Variants in FBXL17 observed in about 807,000 individuals in gnomAD.
FBXL17 encodes the protein F-box/LRR-repeat protein 17.
In FBXL17, 22 loss-of-function variants were observed where a neutral mutation model predicts 66.2. The observed-to-expected ratio is 0.33, with a 90% CI of 0.24 to 0.47. FBXL17 has a LOEUF of 0.47. FBXL17 is among the 20% of genes least tolerant of loss of function. FBXL17 has a pLI of 1.00. For synonymous variants in FBXL17, 474 were observed against 400.5 expected (o/e 1.18, Z -2.19); for missense variants, 878 against 948.2 (o/e 0.93, Z 0.97).
rs758940860 is a variant in FBXL17, at chr5:108,372,056, G to T, written c.994-4103C>A. On this transcript the variant is annotated intron_variant, in intron 1 of 8. Coordinates refer to ENST00000542267, the MANE Select transcript of FBXL17 (RefSeq NM_001163315.3). ...CCCCTTCTGTATGGCAGTCTACCTC[G>T]CTGTAAGCCTCTGCACAGCTTCATG... Among the ~76,000 whole-genome samples, 4 of 152,098 alleles carry T rather than the reference G, an allele frequency of 2.6e-5. No homozygotes were observed. In the East Asian group the frequency reaches 7.7e-4, roughly 29 times the overall value.
At chr5:107,879,189 T>TTA in intron 8 of FBXL17, 2 of 985,426 alleles carry the variant, frequency 2.0e-6, no homozygotes, top group East Asian at 2.3e-4. Context: ...CATCTAAAGA[T>TTA]TACAGGTTAG....
intron 6 of FBXL17, among the ~76,000 whole-genome samples, chr5:108,039,796 T>C (rs1746978775): frequency 6.6e-6 from 1 of 152,110 alleles, no homozygotes; most frequent in Admixed American, 6.6e-5. Flanking sequence ...TATTTTGTTA[T>C]AGGTTTAATT....
intron 5 of FBXL17, among the ~76,000 whole-genome samples, chr5:108,212,021 G>A (rs532885564): frequency 1.4e-4 from 21 of 151,984 alleles, no homozygotes; most frequent in Admixed American, 2.6e-4. Flanking sequence ...TCCTTTGTTC[G>A]TTCCTTTTTA....
intron 6 of FBXL17, among the ~76,000 whole-genome samples, chr5:108,135,624 A>C (rs1751102883): frequency 6.6e-6 from 1 of 152,180 alleles, no homozygotes; most frequent in South Asian, 2.1e-4. Flanking sequence ...AACTTAGGCT[A>C]CACATGGAAT....
At chr5:108,017,226 T>G (rs962614538) in intron 7 of FBXL17, among the ~76,000 whole-genome samples, 1 of 152,144 alleles carries the variant, frequency 6.6e-6, no homozygotes, top group South Asian at 2.1e-4. Context: ...AAAGGAGAGA[T>G]AGGTGAGAAA....
At chr5:108,194,755 T>C (rs1005550860) in intron 5 of FBXL17, among the ~76,000 whole-genome samples, 11 of 152,302 alleles carry the variant, frequency 7.2e-5, no homozygotes, top group Non-Finnish European at 1.5e-4. Context: ...CACCTGGCTC[T>C]AACCTTGGCT....
rs1747426905 is a variant in FBXL17 at position 108,348,528 on chromosome 5, C to T, written c.1377G>A (p.Leu459=). 6.2e-7 allele frequency: 1 copy of T among 1,610,132 alleles called. No homozygotes were observed. The highest frequency in any genetic ancestry group is 8.5e-7 in the Non-Finnish European group (1 of 1,177,382). The change falls in exon 4 of 9, where the codon CTG becomes CTA. Residue 459 remains leucine, a splice_region_variant and synonymous_variant. Coordinates refer to ENST00000542267, the MANE Select transcript of FBXL17 (RefSeq NM_001163315.3). ...CTTTGAGTTCTCTGCATTTTGAGCC[C>T]AGCTGTAAACAAACAGATTTAGCTG... The part of the protein sequence containing the change: ...DKLTDEGLKQ[L]GSKCRELKDI...
chr5:108,344,322 T>C (rs17161255), intron 4 of FBXL17, among the ~76,000 whole-genome samples: 197 of 152,132 alleles, frequency 1.3e-3, no homozygotes, highest in African/African-American at 4.7e-3. Context: ...TAGTAAAATA[T>C]CAACTAAGAG....
intron 4 of FBXL17, among the ~76,000 whole-genome samples, chr5:108,232,713 C>T (rs1368947843): frequency 6.8e-6 from 1 of 146,632 alleles, no homozygotes; most frequent in African/African-American, 2.5e-5. Context: ...GCTCTCCTTG[C>T]TCCTCAGCTT....
At chr5:108,302,113 T>C in intron 4 of FBXL17, 1 of 729,652 alleles carries the variant, frequency 1.4e-6, no homozygotes, top group African/African-American at 1.9e-5. Context: ...TGGTCAAGGC[T>C]ACTTTTTCTG....
intron 3 of FBXL17, among the ~76,000 whole-genome samples, chr5:108,358,319 T>C (rs1346829849): frequency 6.6e-6 from 1 of 152,134 alleles, no homozygotes; most frequent in African/African-American, 2.4e-5. Context: ...GTTTGTCACA[T>C]ATGGTCTTTA....
At chr5:108,048,664 C>G (rs1747353363) in intron 6 of FBXL17, among the ~76,000 whole-genome samples, 1 of 152,090 alleles carries the variant, frequency 6.6e-6, no homozygotes. Flanking sequence ...GAAGCATACA[C>G]AAGTATCAAT....
chr5:107,914,085 G>T (rs2112551152), intron 7 of FBXL17, among the ~76,000 whole-genome samples: 1 of 92,794 alleles, frequency 1.1e-5, no homozygotes, highest in Admixed American at 1.2e-4. Flanking sequence ...TATAGATTTA[G>T]TTTAAAAACC....
At chr5:108,193,237 C>G (rs1197405416) in intron 5 of FBXL17, among the ~76,000 whole-genome samples, 4 of 152,094 alleles carry the variant, frequency 2.6e-5, no homozygotes, top group Admixed American at 2.6e-4. Context: ...ATCCGCCAAA[C>G]AGCTGTCAGG....
At chr5:108,319,450 T>C (rs372563577) in intron 4 of FBXL17, among the ~76,000 whole-genome samples, 13 of 151,972 alleles carry the variant, frequency 8.6e-5, no homozygotes, top group South Asian at 4.1e-4. Context: ...TGCACTGTAA[T>C]GCAAATGCAT....
intron 6 of FBXL17, among the ~76,000 whole-genome samples, chr5:108,114,949 T>C (rs1750184676): frequency 6.6e-6 from 1 of 152,186 alleles, no homozygotes; most frequent in Non-Finnish European, 1.5e-5. Context: ...TCTCTAATCC[T>C]ATACAGAAAT....
intron 5 of FBXL17, among the ~76,000 whole-genome samples, chr5:108,213,822 C>T (rs1164148494): frequency 2.6e-5 from 4 of 152,164 alleles, no homozygotes; most frequent in Admixed American, 2.6e-4. Flanking sequence ...TTTTAATTTG[C>T]ATGTCCCTAA....
chr5:108,317,415 C>G (rs1016370614), intron 4 of FBXL17, among the ~76,000 whole-genome samples: 6 of 150,356 alleles, frequency 4.0e-5, no homozygotes, highest in African/African-American at 7.3e-5. Flanking sequence ...CATATCCCAA[C>G]TACCCTGATT....
chr5:107,931,621 C>T (rs1750740645), intron 7 of FBXL17, among the ~76,000 whole-genome samples: 1 of 151,978 alleles, frequency 6.6e-6, no homozygotes, highest in South Asian at 2.1e-4. Context: ...AGATTTATTC[C>T]TAACTTTTGC....
Sources: allele counts gnomAD v4.1 joint callset (sites outside exome capture counted in the v4.1 genomes callset), GRCh38; gene constraint gnomAD v4.1.1; transcripts MANE v1.5; gene names NCBI Gene and HGNC (gene_info 2026-07-23, HGNC 2026-07-21).